The following IRAG2 variants were observed in gnomAD, a reference collection of about 807,000 sequenced individuals.
IRAG2 encodes the protein lymphoid restricted membrane protein.
Under a neutral mutation model 69.9 loss-of-function variants are expected in IRAG2, and 45 were observed. The ratio of observed to expected loss-of-function variants is 0.64; its 90% CI spans 0.51 to 0.83. The LOEUF (loss-of-function observed/expected upper bound fraction) is 0.83, where lower values mean the gene tolerates loss of function less well. IRAG2 is among the 40% of genes least tolerant of loss of function. IRAG2 has a pLI of 0.00. For missense variants in IRAG2, 520 were observed against 587.0 expected, an observed-to-expected ratio of 0.89 and a Z score of 1.18; for synonymous variants, 193 against 202.4, an observed-to-expected ratio of 0.95 and a Z score of 0.40.
At chr12:25,017,019 A>T (rs990311800) in intron 5 of IRAG2, 9 of 232,398 alleles carry the variant, frequency 3.9e-5, no homozygotes, top group Non-Finnish European at 5.1e-5. Flanking sequence ...GGGTAAAGTT[A>T]AAAAAAAAAA....
At chr12:25,018,555 C>T (rs1944551472) in intron 6 of IRAG2, among the ~76,000 whole-genome samples, 1 of 152,086 alleles carries the variant, frequency 6.6e-6, no homozygotes, top group Non-Finnish European at 1.5e-5. Flanking sequence ...TGACCTTGTC[C>T]AGTCCAGTCT....
intron 5 of IRAG2, chr12:25,015,539 T>A: frequency 1.7e-6 from 1 of 582,912 alleles, no homozygotes; most frequent in Non-Finnish European, 2.5e-6. Flanking sequence ...TTTTTTGCAG[T>A]AGAGCTAGCA....
chr12:25,002,037 G>A (rs1944395567), upstream of IRAG2, among the ~76,000 whole-genome samples: 1 of 152,108 alleles, frequency 6.6e-6, no homozygotes. Flanking sequence ...CAAAGTGCTG[G>A]GATTACAGGC....
At chr12:25,042,533 T>C (rs1186336508) in intron 16 of IRAG2, among the ~76,000 whole-genome samples, 1 of 152,130 alleles carries the variant, frequency 6.6e-6, no homozygotes, top group Non-Finnish European at 1.5e-5. Flanking sequence ...TGGTGCTATC[T>C]TGGCTCACTG....
At chr12:25,102,639 A>G (rs1291506793) in intron 17 of IRAG2, 3 of 170,294 alleles carry the variant, frequency 1.8e-5, no homozygotes, top group Non-Finnish European at 2.5e-5. Flanking sequence ...CCTCATCATT[A>G]CATCATCTCA....
chr12:25,086,045 T>C (rs907482125), intron 10 of IRAG2, among the ~76,000 whole-genome samples: 1 of 152,182 alleles, frequency 6.6e-6, no homozygotes, highest in African/African-American at 2.4e-5. Context: ...TACTCTTTCA[T>C]AGTAGAATCT....
At chr12:25,095,365 T>C (rs1242407639) in intron 14 of IRAG2, among the ~76,000 whole-genome samples, 1 of 152,180 alleles carries the variant, frequency 6.6e-6, no homozygotes, top group Non-Finnish European at 1.5e-5. Flanking sequence ...GTGTGTTCAA[T>C]CTTATCACAT....
At chr12:25,037,135 T>A (rs1337408670) in intron 15 of IRAG2, among the ~76,000 whole-genome samples, 1 of 152,142 alleles carries the variant, frequency 6.6e-6, no homozygotes, top group African/African-American at 2.4e-5. Flanking sequence ...CCAGCTTTAT[T>A]AGAAAGGAAG....
intron 10 of IRAG2, among the ~76,000 whole-genome samples, chr12:25,087,546 A>G (rs859157): frequency 0.68 from 102,915 of 151,922 alleles, 35,305 homozygotes; most frequent in Admixed American, 0.78. Context: ...GTTGTAATTC[A>G]CATCATGTTT....
At chr12:25,030,324 G>T in exon 10 of IRAG2, 1 of 1,231,514 alleles carries the variant, frequency 8.1e-7, no homozygotes, top group Non-Finnish European at 1.0e-6. Context: ...AAAGATACAA[G>T]TTTGCAGAAG....
intron 16 of IRAG2, among the ~76,000 whole-genome samples, chr12:25,039,974 G>A (rs141190175): frequency 3.2e-4 from 49 of 152,282 alleles, no homozygotes; most frequent in African/African-American, 1.1e-3. Flanking sequence ...GTGACAGCTG[G>A]GATTCAGACC....
intron 15 of IRAG2, among the ~76,000 whole-genome samples, chr12:25,097,752 T>C (rs952877837): frequency 2.0e-4 from 30 of 152,264 alleles, no homozygotes; most frequent in African/African-American, 6.8e-4. Context: ...CTGTTATTCT[T>C]TGTTTCATTT....
chr12:25,076,417 G>A, intron 6 of IRAG2: 1 of 980,642 alleles, frequency 1.0e-6, no homozygotes, highest in Non-Finnish European at 1.2e-6. Context: ...CTTACACAGA[G>A]CATTAGGGCA....
At chr12:25,031,645 C>CGTGT (rs377409117) in intron 10 of IRAG2, among the ~76,000 whole-genome samples, 2 of 151,250 alleles carry the variant, frequency 1.3e-5, no homozygotes, top group African/African-American at 4.9e-5. Flanking sequence ...CCTTTTTGTC[C>CGTGT]GTGTGTGTGT....
Position 25,107,933 on chromosome 12 carries a change from T to G in IRAG2, c.1373T>G (p.Leu458Arg). The G allele has an allele frequency of 6.2e-7, 1 of 1,614,212 alleles. No individual in the cohort carries two copies. The highest frequency in any genetic ancestry group is 8.5e-7 in the Non-Finnish European group (1 of 1,180,036). The stretch of plus-strand genomic sequence containing the variant: ...CTGTTTGCAGCTTTGATGAGCTTCC[T>G]CACAGGCCAATTATTCCAGAAGTCT... ...IVLFAALMSF[L>R]TGQLFQKSVD... Residue 458 changes from leucine (L) to arginine (R), a missense_variant, in exon 22 of 22, where the codon CTC (leucine) becomes CGC (arginine). By Grantham distance (102) the Leu-to-Arg change is moderately radical (BLOSUM62 -2). Transcript: ENST00000556887.
At chr12:25,005,946 T>A (rs1267268291) in intron 2 of IRAG2, among the ~76,000 whole-genome samples, 1 of 152,056 alleles carries the variant, frequency 6.6e-6, no homozygotes, top group Admixed American at 6.6e-5. Context: ...AAATAAACAA[T>A]CTACAGAGAG....
intron 5 of IRAG2, among the ~76,000 whole-genome samples, chr12:25,016,048 T>C (rs1045509255): frequency 9.9e-5 from 15 of 151,962 alleles, no homozygotes; most frequent in African/African-American, 3.4e-4. Context: ...ATACAAAAAT[T>C]AGCCGGGCAT....
chr12:25,073,369 C>A (rs1344997180), intron 6 of IRAG2, among the ~76,000 whole-genome samples: 4 of 152,154 alleles, frequency 2.6e-5, no homozygotes, highest in Non-Finnish European at 5.9e-5. Context: ...TTGTTGAATG[C>A]CTATTTATTT....
intron 5 of IRAG2, 95 bp from the exon 6 acceptor site, chr12:25,069,255 G>T: frequency 1.7e-6 from 1 of 578,634 alleles, no homozygotes. Context: ...AATTAGGACT[G>T]GGCGTAGGGG....
Sources: allele counts gnomAD v4.1 joint callset (sites outside exome capture counted in the v4.1 genomes callset), GRCh38; gene constraint gnomAD v4.1.1; transcripts MANE v1.5; gene names NCBI Gene and HGNC (gene_info 2026-07-23, HGNC 2026-07-21).